Variants in FAM72C observed in about 807,000 individuals in gnomAD.
The protein encoded by FAM72C is protein FAM72C.
Under a neutral mutation model 5.2 loss-of-function variants are expected in FAM72C, and 1 was observed. That is an observed-to-expected ratio of 0.19 (90% CI 0.07 to 0.91). FAM72C has a LOEUF of 0.91. Among genes scored for constraint, FAM72C ranks in the 40% least tolerant of loss-of-function variants. The pLI is 0.66. For synonymous variants in FAM72C, 1 was observed against 21.8 expected, an observed-to-expected ratio of 0.05 and a Z score of 2.66; for missense variants, 4 against 66.0, an observed-to-expected ratio of 0.06 and a Z score of 3.25.
chr1:143,960,734 A>C (rs1661595655), intron 3 of FAM72C, among the ~76,000 whole-genome samples: 1 of 144,384 alleles, frequency 6.9e-6, no homozygotes, highest in Admixed American at 6.9e-5. Context: ...AAAAAAAAAA[A>C]AAAAAGAATT....
intron 3 of FAM72C, among the ~76,000 whole-genome samples, chr1:143,961,180 T>C (rs151075934): frequency 0.028 from 3,962 of 143,616 alleles, 413 homozygotes; most frequent in African/African-American, 0.098. Flanking sequence ...GCTTACCTTG[T>C]GTCTGTTACA....
In FAM72C at chr1:143,967,474, T is replaced by C. The variant is rs1661807679; in HGVS notation, c.230+1450A>G. ...GCCTGGGCGACAGAGCAAAACTCCG[T>C]CTTAAAAAAAAAAAAAAAAGAAAAG... On this transcript the variant is annotated intron_variant, in intron 2 of 3. Coordinates refer to ENST00000584486, the MANE Select transcript of FAM72C (RefSeq NM_001287385.2). Among the ~76,000 whole-genome samples the C allele has an allele frequency of 2.2e-5, 3 of 137,176 alleles. No homozygotes were observed. In the South Asian group the frequency reaches 7.1e-4, roughly 33 times the overall value. The allele number at this position is 137,176 out of a possible 152,430, so 90.0% of individuals were successfully genotyped here.
chr1:143,967,368 C>T (rs1661804915), intron 2 of FAM72C, among the ~76,000 whole-genome samples: 1 of 143,992 alleles, frequency 6.9e-6, no homozygotes, highest in African/African-American at 2.6e-5. Flanking sequence ...GTCTCAGCTA[C>T]TCAGGAGGCT....
At chr1:143,964,074 C>T (rs1661711622) in intron 3 of FAM72C, among the ~76,000 whole-genome samples, 2 of 41,790 alleles carry the variant, frequency 4.8e-5, no homozygotes, top group Non-Finnish European at 9.7e-5. Flanking sequence ...CCGCCTTGGA[C>T]TACCAAAGTG....
Position 143,955,473 on chromosome 1 carries a change from T to C in FAM72C, c.*914A>G, listed in dbSNP as rs1661447222. On this transcript the variant is annotated 3_prime_UTR_variant, in exon 4 of 4. Coordinates refer to ENST00000584486, the MANE Select transcript of FAM72C (RefSeq NM_001287385.2). Reference sequence around the variant, plus strand: ...GAGATACATTTATTTTAGAGTTACATAAAACCAGAATCCAACACTACCCTA... The same window carrying C: ...GAGATACATTTATTTTAGAGTTACACAAAACCAGAATCCAACACTACCCTA... 1 of 141,030 alleles carries C rather than the reference T, an allele frequency of 7.1e-6. No homozygotes were observed. Among genetic ancestry groups the C allele is most frequent in the Admixed American group, 7.2e-5 (1 of 13,964 alleles). The allele number at this position is 141,030 out of a possible 1,614,324, so 8.7% of individuals were successfully genotyped here.
intron 3 of FAM72C, among the ~76,000 whole-genome samples, chr1:143,959,186 A>G (rs1322782648): frequency 7.2e-6 from 1 of 138,354 alleles, no homozygotes; most frequent in Non-Finnish European, 1.5e-5. Flanking sequence ...TTCAGTGCAA[A>G]TGGAAGAATG....
At chr1:143,960,462 A>G (rs1661581039) in intron 3 of FAM72C, among the ~76,000 whole-genome samples, 1 of 125,132 alleles carries the variant, frequency 8.0e-6, no homozygotes, top group Admixed American at 8.1e-5. Flanking sequence ...TCACGTCTGT[A>G]ATCCCATGTA....
In FAM72C at chr1:143,960,968, G is replaced by A. The variant is rs1239251129; in HGVS notation, c.355+3887C>T. Among the ~76,000 whole-genome samples the A allele has an allele frequency of 7.7e-4, 101 of 131,096 alleles. 6 individuals carry two copies. The highest frequency in any genetic ancestry group is 7.6e-3 in the Middle Eastern group (2 of 262). The allele number at this position is 131,096 out of a possible 152,430, so 86.0% of individuals were successfully genotyped here. ...TCATCATATTGGCCAGGCTGGTCTC[G>A]AACCCCTGACCTCAAGTGATCATCT... On this transcript the variant is annotated intron_variant, in intron 3 of 3. Coordinates refer to ENST00000584486, the MANE Select transcript of FAM72C (RefSeq NM_001287385.2).
At chr1:143,958,329 CT>C (rs1661498185) in intron 3 of FAM72C, among the ~76,000 whole-genome samples, 1 of 118,634 alleles carries the variant, frequency 8.4e-6, no homozygotes, top group Non-Finnish European at 1.8e-5. Context: ...TTGCTCATCC[CT>C]TCCTCAGCTG....
chr1:143,971,322 TTTA>T lies in FAM72C; in HGVS notation c.-184_-182del. ...TCCCGGTGGCGGAGTAGAAGAAGTATTTATTGAGTAGGAACAGGGGAGCGTGGC... is the reference window on the plus strand; with the variant it reads ...TCCCGGTGGCGGAGTAGAAGAAGTATTTGAGTAGGAACAGGGGAGCGTGGC... On this transcript the variant is annotated 5_prime_UTR_variant, in exon 1 of 4. Transcript: ENST00000584486. The T allele has an allele frequency of 4.4e-6, 1 of 226,636 alleles. No homozygotes were observed. Among genetic ancestry groups the T allele is most frequent in the Non-Finnish European group, 7.6e-6 (1 of 131,124 alleles). 14.0% of individuals were successfully genotyped at this position (226,636 alleles called of 1,614,324 possible).
intron 3 of FAM72C, among the ~76,000 whole-genome samples, chr1:143,962,250 G>A (rs1395535469): frequency 6.9e-6 from 1 of 144,762 alleles, no homozygotes; most frequent in Non-Finnish European, 1.5e-5. Flanking sequence ...CCAACCTCAG[G>A]TGATCTGCCC....
At chr1:143,965,281 C>T (rs1401301178) in intron 2 of FAM72C, among the ~76,000 whole-genome samples, 5 of 99,800 alleles carry the variant, frequency 5.0e-5, no homozygotes, top group South Asian at 3.4e-4. Flanking sequence ...CTGCAACCTC[C>T]GCCTCCCAGG....
At chr1:143,960,807 G>T in intron 3 of FAM72C, among the ~76,000 whole-genome samples, 1 of 140,378 alleles carries the variant, frequency 7.1e-6, no homozygotes, top group African/African-American at 2.6e-5. Context: ...TAAAAGAATT[G>T]GTAGTGTACT....
Position 143,955,633 on chromosome 1 carries a change from T to C in FAM72C, c.*754A>G, listed in dbSNP as rs1409584564. ...CTTTAGTTTTTTTTTCTATTTAAGA[T>C]TTAGGACAGACTACTCGTCTAAAAT... On this transcript the variant is annotated 3_prime_UTR_variant, in exon 4 of 4. Coordinates refer to ENST00000584486, the MANE Select transcript of FAM72C (RefSeq NM_001287385.2). 2 of 141,198 alleles carry C rather than the reference T, an allele frequency of 1.4e-5. No individual in the cohort carries two copies. The highest frequency in any genetic ancestry group is 2.1e-4 in the East Asian group (1 of 4,734). The allele number at this position is 141,198 out of a possible 1,614,324, so 8.7% of individuals were successfully genotyped here. A position where few individuals can be genotyped will look rare whatever the true frequency, so the allele number is the denominator to read the frequency against.
upstream of FAM72C, among the ~76,000 whole-genome samples, chr1:143,972,965 A>C (rs2101716020): frequency 1.4e-5 from 2 of 138,618 alleles, no homozygotes; most frequent in East Asian, 2.2e-4. Flanking sequence ...AATACTTCTC[A>C]GGACTGCGAG....
chr1:143,966,709 A>G (rs1661780281), intron 2 of FAM72C, among the ~76,000 whole-genome samples: 1 of 144,314 alleles, frequency 6.9e-6, no homozygotes, highest in South Asian at 2.3e-4. Flanking sequence ...GATTAAAATT[A>G]ACTTTCCTGT....
At chr1:143,959,229 T>G (rs1661528544) in intron 3 of FAM72C, among the ~76,000 whole-genome samples, 1 of 136,298 alleles carries the variant, frequency 7.3e-6, no homozygotes, top group South Asian at 2.4e-4. Context: ...TTGACCAATA[T>G]TAAAAAGTAA....
chr1:143,965,383 A>G, intron 2 of FAM72C, among the ~76,000 whole-genome samples: 1 of 97,726 alleles, frequency 1.0e-5, no homozygotes, highest in South Asian at 3.2e-4. Flanking sequence ...ATTAGTAGAG[A>G]TGGGGTTTTA....
intron 2 of FAM72C, among the ~76,000 whole-genome samples, chr1:143,965,948 T>A (rs1570992199): frequency 8.4e-6 from 1 of 119,572 alleles, no homozygotes; most frequent in African/African-American, 3.0e-5. Context: ...TTAAATAGAG[T>A]GAACCTACAG....
Sources: allele counts gnomAD v4.1 joint callset (sites outside exome capture counted in the v4.1 genomes callset), GRCh38; gene constraint gnomAD v4.1.1; transcripts MANE v1.5; gene names NCBI Gene and HGNC (gene_info 2026-07-23, HGNC 2026-07-21).